LRRK2: variants seen among roughly 807,000 people sequenced by gnomAD.
LRRK2 encodes the protein leucine-rich repeat serine/threonine-protein kinase 2.
LRRK2 carries 203 observed loss-of-function variants against 302.6 expected under a neutral mutation model. The ratio of observed to expected loss-of-function variants is 0.67; its 90% CI spans 0.60 to 0.75. LRRK2 has a LOEUF of 0.75. Ranked by LOEUF, LRRK2 falls within the 30% of genes least tolerant of loss-of-function variation. The pLI is 0.00. For synonymous variants in LRRK2, 1,066 were observed against 1,031.9 expected (o/e 1.03, Z -0.63); for missense variants, 2,830 against 2,951.0 (o/e 0.96, Z 0.95).
rs1324066883 is a variant in LRRK2 at position 40,253,236 on chromosome 12, A to G, written c.1288+220A>G. On this transcript the variant is annotated intron_variant, in intron 11 of 50. Transcript: ENST00000298910. ...TTGTTGTATATTTTTCCGGACTTCT[A>G]TGTGTAAACTCACACATGACATATA... Among the ~76,000 whole-genome samples, 7 of 152,322 alleles carry G rather than the reference A, an allele frequency of 4.6e-5. No individual in the cohort carries two copies. In the South Asian group the frequency reaches 6.2e-4, roughly 14 times the overall value.
At position 40,367,817 on chromosome 12, in the gene LRRK2, A is replaced by C. The variant is rs1212155949; in HGVS notation, c.*52A>C. 6.5e-7 allele frequency: 1 copy of C among 1,549,498 alleles called. No individual in the cohort carries two copies. Among genetic ancestry groups the C allele is most frequent in the African/African-American group, 1.4e-5 (1 of 72,766 alleles). ...AGGAAAATTATTCTCTCCTCTTGTAAATATTTATTTTAAAAATGTTCACAT... is the reference window on the plus strand; with the variant it reads ...AGGAAAATTATTCTCTCCTCTTGTACATATTTATTTTAAAAATGTTCACAT... On this transcript the variant is annotated 3_prime_UTR_variant, in exon 51 of 51. Transcript: ENST00000298910.
rs865801872 is a variant in LRRK2, at chr12:40,353,192, G to A, written c.6577-1107G>A. On this transcript the variant is annotated intron_variant, in intron 44 of 50. Transcript: ENST00000298910. Reference sequence around the variant, plus strand: ...GGGCTCCTCACTTCTCCGACGGGGCGGCTGCTGGGCGGAGGGGCTCCTCAC... The same window carrying A: ...GGGCTCCTCACTTCTCCGACGGGGCAGCTGCTGGGCGGAGGGGCTCCTCAC... 4.7e-3 allele frequency among the ~76,000 whole-genome samples: 698 copies of A among 148,678 alleles called. 14 individuals carry two copies. The highest frequency in any genetic ancestry group is 0.016 in the African/African-American group (663 of 40,492).
rs754990221 is a variant in LRRK2 at position 40,294,932 on chromosome 12, A to T, written c.2878+18A>T. 3.6e-6 allele frequency: 5 copies of T among 1,404,746 alleles called. No individual in the cohort carries two copies. The East Asian group carries it at 1.2e-4, about 32-fold the overall frequency. 87.0% of individuals were successfully genotyped at this position (1,404,746 alleles called of 1,614,324 possible). On this transcript the variant is annotated intron_variant, in intron 22 of 50. Transcript: ENST00000298910. ...TTCACTCAGTAAGTATTTGGATGTA[A>T]TCATAAGTAAATAGATATTTTGGGC... is the stretch of plus-strand genomic sequence containing the variant.
In LRRK2 at chr12:40,225,286, A is replaced by G; in HGVS notation, c.151+4A>G. On this transcript the variant is annotated splice_donor_region_variant and intron_variant, in intron 1 of 50. Transcript: ENST00000298910. Reference sequence around the variant, plus strand: ...GTGTTCACGTACTCCGAGCGCGGTAATCACTTGAAAATAAACTGTGCTTTT... The same window carrying G: ...GTGTTCACGTACTCCGAGCGCGGTAGTCACTTGAAAATAAACTGTGCTTTT... 1 of 1,614,062 alleles carries G rather than the reference A, an allele frequency of 6.2e-7. No homozygotes were observed. Among genetic ancestry groups the G allele is most frequent in the South Asian group, 1.1e-5 (1 of 91,052 alleles).
intron 10 of LRRK2, among the ~76,000 whole-genome samples, chr12:40,252,436 G>A (rs11564186): frequency 0.025 from 3,862 of 152,228 alleles, 165 homozygotes; most frequent in African/African-American, 0.085. Context: ...GGAGATTAGG[G>A]TAAGGGAGAT....
In LRRK2 at chr12:40,319,505, C is replaced by T. The variant is rs528491630; in HGVS notation, c.4828-483C>T. Among the ~76,000 whole-genome samples, 9 of 152,192 alleles carry T rather than the reference C, an allele frequency of 5.9e-5. No homozygotes were observed. The East Asian group carries it at 1.7e-3, about 29-fold the overall frequency. ...ACTGCAAGTAGAATCCATCAAAATGCAGTAGTTACTTTGAGAATCATGAAA... is the reference window on the plus strand; with the variant it reads ...ACTGCAAGTAGAATCCATCAAAATGTAGTAGTTACTTTGAGAATCATGAAA... On this transcript the variant is annotated intron_variant, in intron 33 of 50. Coordinates refer to ENST00000298910, the MANE Select transcript of LRRK2 (RefSeq NM_198578.4).
chr12:40,239,935 T>G (rs1275417770), intron 5 of LRRK2, among the ~76,000 whole-genome samples: 1 of 152,212 alleles, frequency 6.6e-6, no homozygotes, highest in African/African-American at 2.4e-5. Context: ...TGGAACTTAC[T>G]GGCTTGATCA....
chr12:40,359,396 C>T lies in LRRK2; in HGVS notation c.6980C>T (p.Ser2327Phe). The T allele has an allele frequency of 1.2e-6, 2 of 1,613,342 alleles. No homozygotes were observed. Among genetic ancestry groups the T allele is most frequent in the Non-Finnish European group, 1.7e-6 (2 of 1,179,572 alleles). The change falls in exon 47 of 51, where the codon TCT becomes TTT. Residue 2327 changes from serine to phenylalanine, a missense_variant. Coordinates refer to ENST00000298910, the MANE Select transcript of LRRK2 (RefSeq NM_198578.4). ...TGTGGCACAAAGATTTTCTCCTTTT[C>T]TAATGATTTCACCATTCAGAAACTC... is the stretch of plus-strand genomic sequence containing the variant. The part of the protein sequence containing the change: ...GGCGTKIFSF[S>F]NDFTIQKLIE...
At chr12:40,271,183 T>C (rs574971303) in intron 14 of LRRK2, among the ~76,000 whole-genome samples, 1 of 152,262 alleles carries the variant, frequency 6.6e-6, no homozygotes, top group South Asian at 2.1e-4. Context: ...TTTCAAAGAC[T>C]AATCCAGAGA....
intron 7 of LRRK2, among the ~76,000 whole-genome samples, chr12:40,244,204 A>G (rs1311323189): frequency 6.6e-6 from 1 of 152,066 alleles, no homozygotes; most frequent in East Asian, 1.9e-4. Flanking sequence ...TATAAATATG[A>G]TTTACTACAT....
At chr12:40,342,644 CTT>C (rs1311429684) in intron 41 of LRRK2, among the ~76,000 whole-genome samples, 1 of 152,182 alleles carries the variant, frequency 6.6e-6, no homozygotes, top group Non-Finnish European at 1.5e-5. Context: ...CATCACCAAA[CTT>C]TTTCTTCCCC....
At chr12:40,356,534 C>T (rs1427049901) in intron 46 of LRRK2, among the ~76,000 whole-genome samples, 1 of 152,084 alleles carries the variant, frequency 6.6e-6, no homozygotes, top group Non-Finnish European at 1.5e-5. Flanking sequence ...ATATGGCTTG[C>T]CATTAACTTT....
intron 44 of LRRK2, 107 bp from the exon 45 acceptor site, chr12:40,354,192 A>G (rs1946459069): frequency 1.1e-6 from 1 of 946,944 alleles, no homozygotes; most frequent in Admixed American, 2.6e-5. Context: ...AAGTAATGCA[A>G]GAAAGCAAAA....
intron 23 of LRRK2, among the ~76,000 whole-genome samples, chr12:40,296,402 C>T (rs1044127573): frequency 1.3e-5 from 2 of 152,024 alleles, no homozygotes; most frequent in East Asian, 1.9e-4. Context: ...GAGGCTGAGG[C>T]GGGTGGATCT....
Position 40,230,096 on chromosome 12 carries a change from G to A in LRRK2, c.238-2178G>A, listed in dbSNP as rs74883359. Among the ~76,000 whole-genome samples the A allele has an allele frequency of 3.4e-3, 515 of 151,098 alleles. 2 individuals are homozygous for A. Among genetic ancestry groups the A allele is most frequent in the Non-Finnish European group, 5.6e-3 (381 of 67,938 alleles). On this transcript the variant is annotated intron_variant, in intron 2 of 50. Coordinates refer to ENST00000298910, the MANE Select transcript of LRRK2 (RefSeq NM_198578.4). The stretch of plus-strand genomic sequence containing the variant: ...TTTCTATGACAGCTGGATTGTCAAC[G>A]TCTGTTCAGCTTACGTGGAGGAGGA...
At chr12:40,332,620 T>A (rs971382721) in intron 39 of LRRK2, among the ~76,000 whole-genome samples, 9 of 152,170 alleles carry the variant, frequency 5.9e-5, no homozygotes, top group Non-Finnish European at 1.0e-4. Context: ...GAAGATTTCA[T>A]GTGAGTACAA....
At chr12:40,321,525 C>T (rs774030525) in intron 35 of LRRK2, among the ~76,000 whole-genome samples, 15 of 151,932 alleles carry the variant, frequency 9.9e-5, no homozygotes, top group African/African-American at 4.8e-5. Flanking sequence ...AGAGCAAATC[C>T]GGTGTTTATA....
chr12:40,346,861 T>C lies in LRRK2; in HGVS notation c.6218T>C (p.Ile2073Thr). 1 of 1,613,854 alleles carries C rather than the reference T, an allele frequency of 6.2e-7. No individual in the cohort carries two copies. Among genetic ancestry groups the C allele is most frequent in the Non-Finnish European group, 8.5e-7 (1 of 1,179,856 alleles). ...GACATTTTGACAACTGGAGGTAGAA[T>C]AGTAGAGGGTTTGAAGTTTCCAAAT... ...LYDILTTGGR[I>T]VEGLKFPNEF... The change falls in exon 42 of 51, where the codon ATA becomes ACA. Residue 2073 changes from isoleucine (I) to threonine (T), a missense_variant. Ile to Thr is a moderately conservative substitution (Grantham distance 89, BLOSUM62 -1). This residue lies in a region of LRRK2 where 253 missense variants were observed against 346.7 expected (regional missense o/e 0.73). Transcript: ENST00000298910.
At chr12:40,364,085 G>T (rs1231613192) in intron 48 of LRRK2, among the ~76,000 whole-genome samples, 1 of 151,918 alleles carries the variant, frequency 6.6e-6, no homozygotes, top group Non-Finnish European at 1.5e-5. Flanking sequence ...CTGTGCTGGT[G>T]CTGAGAAACA....
Sources: gnomAD v4.1 joint callset for allele counts (sites outside exome capture counted in the v4.1 genomes callset) on GRCh38, gnomAD v4.1.1 for gene constraint, gnomAD v4.1.1 regional missense constraint, MANE v1.5 for transcripts, NCBI Gene and HGNC (gene_info 2026-07-23, HGNC 2026-07-21) for gene names.